Variants in FAM117B observed in about 807,000 individuals in gnomAD.
FAM117B encodes the protein family with sequence similarity 117 member B, also known as protein FAM117B.
Under a neutral mutation model 52.8 loss-of-function variants are expected in FAM117B, and 22 were observed. The ratio of observed to expected loss-of-function variants is 0.42; its 90% confidence interval spans 0.30 to 0.59. FAM117B has a LOEUF of 0.59. FAM117B is among the 20% of genes least tolerant of loss of function. The pLI, the probability that FAM117B is intolerant of heterozygous loss-of-function variation, is 0.22. For missense variants in FAM117B, 678 were observed against 802.6 expected (o/e 0.84, Z 1.88); for synonymous variants, 309 against 324.1 (o/e 0.95, Z 0.50).
At chr2:202,719,765 G>T (rs1691120614) in intron 2 of FAM117B, among the ~76,000 whole-genome samples, 1 of 152,132 alleles carries the variant, frequency 6.6e-6, no homozygotes, top group Non-Finnish European at 1.5e-5. Context: ...AGCACACATG[G>T]CATTTACATG....
chr2:202,662,172 A>C (rs925564443), intron 1 of FAM117B, among the ~76,000 whole-genome samples: 6 of 151,746 alleles, frequency 4.0e-5, no homozygotes, highest in African/African-American at 9.7e-5. Flanking sequence ...ACGTGTACAG[A>C]CTGGTAGTAT....
At chr2:202,677,813 C>T (rs946915155) in intron 1 of FAM117B, among the ~76,000 whole-genome samples, 10 of 152,200 alleles carry the variant, frequency 6.6e-5, no homozygotes, top group East Asian at 1.9e-4. Context: ...ATTGAATTAA[C>T]GAATTGAGTA....
intron 4 of FAM117B, among the ~76,000 whole-genome samples, chr2:202,741,606 G>A (rs888744527): frequency 3.3e-5 from 5 of 150,514 alleles, no homozygotes; most frequent in Admixed American, 2.7e-4. Context: ...GCGCGATCTC[G>A]GCTTACTGCA....
intron 1 of FAM117B, 109 bp from the exon 2 acceptor site, chr2:202,695,772 G>T: frequency 8.3e-7 from 1 of 1,201,086 alleles, no homozygotes; most frequent in Non-Finnish European, 1.1e-6. Flanking sequence ...TGTGGTTAAA[G>T]GGGATTACCA....
intron 2 of FAM117B, among the ~76,000 whole-genome samples, chr2:202,707,662 G>A (rs932237235): frequency 4.6e-5 from 7 of 151,972 alleles, no homozygotes; most frequent in Non-Finnish European, 7.4e-5. Context: ...AGCTGAGATC[G>A]TGCTACTGTA....
chr2:202,723,647 A>G (rs1691185863), intron 2 of FAM117B, among the ~76,000 whole-genome samples: 1 of 152,210 alleles, frequency 6.6e-6, no homozygotes, highest in Non-Finnish European at 1.5e-5. Context: ...GTATACCATA[A>G]TTTATTTAGC....
chr2:202,641,287 C>G (rs1689765527), intron 1 of FAM117B, among the ~76,000 whole-genome samples: 1 of 152,142 alleles, frequency 6.6e-6, no homozygotes, highest in South Asian at 2.1e-4. Context: ...TGAAAATAAG[C>G]CTATCATATT....
chr2:202,660,321 A>C (rs1354535283), intron 1 of FAM117B, among the ~76,000 whole-genome samples: 1 of 152,000 alleles, frequency 6.6e-6, no homozygotes, highest in Non-Finnish European at 1.5e-5. Flanking sequence ...TTCTTTTAGC[A>C]GGCAATCAGA....
At chr2:202,732,046 C>CTTT (rs758181285) in intron 4 of FAM117B, among the ~76,000 whole-genome samples, 31 of 134,996 alleles carry the variant, frequency 2.3e-4, no homozygotes, top group African/African-American at 7.8e-4. Context: ...ATTTATTTTT[C>CTTT]TTTTTTTTTT....
chr2:202,683,790 G>A (rs906600889), intron 1 of FAM117B, among the ~76,000 whole-genome samples: 6 of 152,000 alleles, frequency 3.9e-5, no homozygotes, highest in Non-Finnish European at 5.9e-5. Context: ...AGATAATACC[G>A]TAACTAATTT....
At chr2:202,730,692 A>G (rs182432856) in intron 4 of FAM117B, among the ~76,000 whole-genome samples, 3 of 152,282 alleles carry the variant, frequency 2.0e-5, no homozygotes, top group Admixed American at 6.5e-5. Flanking sequence ...GAAAAAATAA[A>G]AAATGAAATA....
At position 202,635,634 on chromosome 2, in the gene FAM117B, C is replaced by T. The variant is rs1009362021; in HGVS notation, c.447C>T (p.Thr149=). 5 of 1,328,288 alleles carry T rather than the reference C, an allele frequency of 3.8e-6. No individual in the cohort carries two copies. Among genetic ancestry groups the T allele is most frequent in the Non-Finnish European group, 4.8e-6 (5 of 1,042,628 alleles). The allele number at this position is 1,328,288 out of a possible 1,614,324, so 82.3% of individuals were successfully genotyped here. Residue 149 remains threonine, a synonymous_variant, in exon 1 of 8, where the codon ACC becomes ACT. Transcript: ENST00000392238. ...CGCCGCCGCCGCCGCTGCTGGGCAC[C>T]GTGTCGTCGCCCAGCTCGTCGCCCA... ...RPPPPPPLLG[T]VSSPSSSPTH... is the part of the protein sequence containing the mutation.
chr2:202,651,408 T>C (rs1689957126), intron 1 of FAM117B, among the ~76,000 whole-genome samples: 1 of 151,550 alleles, frequency 6.6e-6, no homozygotes, highest in Admixed American at 6.6e-5. Flanking sequence ...GTTTCACTCT[T>C]GTTGCCCAGG....
chr2:202,663,188 G>A (rs1335276730), intron 1 of FAM117B, among the ~76,000 whole-genome samples: 1 of 151,032 alleles, frequency 6.6e-6, no homozygotes, highest in Non-Finnish European at 1.5e-5. Flanking sequence ...TTTATTATTG[G>A]GTAGTCTTTT....
At chr2:202,654,062 TGAGAGAGAGAGAGA>T (rs60490884) in intron 1 of FAM117B, among the ~76,000 whole-genome samples, 80 of 134,862 alleles carry the variant, frequency 5.9e-4, no homozygotes, top group South Asian at 1.7e-3. Flanking sequence ...AGAGAGTGAG[TGAGAGAGAGAGAGA>T]GAGAGAGAGA....
At chr2:202,657,389 G>T (rs963354779) in intron 1 of FAM117B, among the ~76,000 whole-genome samples, 4 of 152,034 alleles carry the variant, frequency 2.6e-5, no homozygotes, top group Admixed American at 1.3e-4. Flanking sequence ...TGCCCAGTAG[G>T]TCTTGTGTTT....
At chr2:202,648,586 G>A (rs1009609627) in intron 1 of FAM117B, among the ~76,000 whole-genome samples, 3 of 143,866 alleles carry the variant, frequency 2.1e-5, no homozygotes, top group Admixed American at 1.5e-4. Context: ...CGTGTATGTC[G>A]TTGTGCACAT....
At chr2:202,755,753 A>G in intron 5 of FAM117B, 72 bp downstream of exon 5, 2 of 1,447,916 alleles carry the variant, frequency 1.4e-6, no homozygotes, top group Non-Finnish European at 1.9e-6. Context: ...TTGGGTTTCC[A>G]TATTTACTTG....
intron 1 of FAM117B, among the ~76,000 whole-genome samples, chr2:202,692,830 C>CT (rs910075693): frequency 2.2e-4 from 34 of 151,224 alleles, no homozygotes; most frequent in Admixed American, 5.3e-4. Flanking sequence ...TTAATTCTGC[C>CT]TTTTTTTTTA....
Sources: gnomAD v4.1 joint callset for allele counts (sites outside exome capture counted in the v4.1 genomes callset) on GRCh38, gnomAD v4.1.1 for gene constraint, MANE v1.5 for transcripts, NCBI Gene and HGNC (gene_info 2026-07-23, HGNC 2026-07-21) for gene names.